The following MACC1 variants were observed in gnomAD, a reference collection of about 807,000 sequenced individuals.
The protein encoded by MACC1 is metastasis-associated in colon cancer protein 1.
In MACC1, 79 loss-of-function variants were observed where a neutral mutation model predicts 70.7. The ratio of observed to expected loss-of-function variants is 1.12; its 90% CI spans 0.93 to 1.35. The LOEUF is 1.35. MACC1 is among the 40% of genes most tolerant of loss of function. The pLI is 0.00. For synonymous variants in MACC1, 361 were observed against 347.2 expected (o/e 1.04, Z -0.44); for missense variants, 1,106 against 978.1 (o/e 1.13, Z -1.74).
chr7:20,137,404 G>A lies in MACC1; in HGVS notation c.*3542C>T, dbSNP rs1288920580. On this transcript the variant is annotated 3_prime_UTR_variant, in exon 7 of 7. Transcript: ENST00000400331. ...CTGTATCCATTTATTAGTATGAACAGTTAATGACACACTATTGAATGCTTC... is the reference window on the plus strand; with the variant it reads ...CTGTATCCATTTATTAGTATGAACAATTAATGACACACTATTGAATGCTTC... 6.6e-6 allele frequency: 1 copy of A among 152,200 alleles called. No homozygotes were observed. The highest frequency in any genetic ancestry group is 2.4e-5 in the African/African-American group (1 of 41,444). The allele number at this position is 152,200 out of a possible 1,614,324, so 9.4% of individuals were successfully genotyped here. A position where few individuals can be genotyped will look rare whatever the true frequency, so the allele number is the denominator to read the frequency against.
chr7:20,183,439 GCCTTGTGATA>G (rs1443782354), intron 1 of MACC1, among the ~76,000 whole-genome samples: 1 of 152,104 alleles, frequency 6.6e-6, no homozygotes, highest in African/African-American at 2.4e-5. Flanking sequence ...CTTGATTTTG[GCCTTGTGATA>G]CCTTCAGCAG....
chr7:20,194,229 C>G (rs1184395798), intron 1 of MACC1, among the ~76,000 whole-genome samples: 1 of 151,940 alleles, frequency 6.6e-6, no homozygotes, highest in Admixed American at 6.5e-5. Flanking sequence ...TTTTTATATC[C>G]TAATTTTAGA....
chr7:20,169,729 G>A lies in MACC1; in HGVS notation c.-153+985C>T, dbSNP rs116845717. Among the ~76,000 whole-genome samples the A allele has an allele frequency of 7.9e-3, 1,207 of 152,234 alleles. 26 individuals are homozygous for A. The highest frequency in any genetic ancestry group is 0.038 in the East Asian group (199 of 5,188). On this transcript the variant is annotated intron_variant, in intron 2 of 6. Transcript: ENST00000400331. ...TCTAGTATAAACTTGGAAAGATACT[G>A]AACATTTCTGGAACTCTACTTATCA...
At position 20,151,991 on chromosome 7, in the gene MACC1, C is replaced by T. The variant is rs151147071; in HGVS notation, c.2346+2202G>A. 7.8e-3 allele frequency among the ~76,000 whole-genome samples: 1,193 copies of T among 152,270 alleles called. 27 individuals are homozygous for T. Among genetic ancestry groups the T allele is most frequent in the Admixed American group, 0.038 (578 of 15,292 alleles). On this transcript the variant is annotated intron_variant, in intron 6 of 6. Transcript: ENST00000400331. ...GTTTAAGCAAGTTACTTATCCTCTC[C>T]ATATCTTAGATATTAGTGTCTGCCC...
intron 1 of MACC1, among the ~76,000 whole-genome samples, chr7:20,178,032 T>A (rs1477398359): frequency 6.6e-6 from 1 of 152,156 alleles, no homozygotes; most frequent in Non-Finnish European, 1.5e-5. Flanking sequence ...ATTAGATGAA[T>A]AAAATGTTCA....
intron 1 of MACC1, among the ~76,000 whole-genome samples, chr7:20,204,236 A>G (rs974812702): frequency 1.3e-5 from 2 of 151,484 alleles, no homozygotes; most frequent in Non-Finnish European, 2.9e-5. Context: ...CTCACTGCAA[A>G]CTCCGCCTCC....
chr7:20,201,953 A>T (rs888758979), intron 1 of MACC1, among the ~76,000 whole-genome samples: 2 of 152,132 alleles, frequency 1.3e-5, no homozygotes, highest in East Asian at 3.8e-4. Flanking sequence ...TGTTTTTTCA[A>T]CTGGCCCCTG....
intron 6 of MACC1, among the ~76,000 whole-genome samples, chr7:20,143,089 A>G (rs926200417): frequency 6.6e-6 from 1 of 152,228 alleles, no homozygotes; most frequent in African/African-American, 2.4e-5. Context: ...CTACAGATTC[A>G]AATACTTTTA....
rs1436251567 is a variant in MACC1 at position 20,161,886 on chromosome 7, A to G, written c.-8-16T>C. 2 of 1,480,106 alleles carry G rather than the reference A, an allele frequency of 1.4e-6. No homozygotes were observed. The highest frequency in any genetic ancestry group is 1.7e-5 in the Admixed American group (1 of 59,654). The allele number at this position is 1,480,106 out of a possible 1,614,324, so 91.7% of individuals were successfully genotyped here. On this transcript the variant is annotated splice_polypyrimidine_tract_variant and intron_variant, in intron 3 of 6. Coordinates refer to ENST00000400331, the MANE Select transcript of MACC1 (RefSeq NM_182762.4). ...ATTTTTCCACCTACAAAGTAAATAG[A>G]TAAGTATTTTTTGTAAGCATACATA...
At chr7:20,202,400 G>GT (rs1247002236) in intron 1 of MACC1, among the ~76,000 whole-genome samples, 1 of 152,134 alleles carries the variant, frequency 6.6e-6, no homozygotes, top group Non-Finnish European at 1.5e-5. Context: ...ACGCCTCTTT[G>GT]TATTTGGACG....
intron 1 of MACC1, among the ~76,000 whole-genome samples, chr7:20,208,978 G>T (rs1010450936): frequency 6.6e-6 from 1 of 152,188 alleles, no homozygotes; most frequent in African/African-American, 2.4e-5. Context: ...CCCAAGCCTT[G>T]GTGGCTTACA....
intron 1 of MACC1, among the ~76,000 whole-genome samples, chr7:20,173,001 T>A (rs1782334951): frequency 6.6e-6 from 1 of 152,202 alleles, no homozygotes; most frequent in Admixed American, 6.5e-5. Context: ...GCTTTCTACC[T>A]CCTTATCATT....
chr7:20,176,351 GTTAA>G (rs1782392879), intron 1 of MACC1, among the ~76,000 whole-genome samples: 1 of 152,018 alleles, frequency 6.6e-6, no homozygotes. Flanking sequence ...CTGTAGCAGG[GTTAA>G]TTAATCTGTC....
chr7:20,210,434 C>T (rs147814586), intron 1 of MACC1, among the ~76,000 whole-genome samples: 20 of 152,188 alleles, frequency 1.3e-4, no homozygotes, highest in South Asian at 2.1e-4. Flanking sequence ...TCACTTTCAT[C>T]GCACTATGAC....
rs541659193 is a variant in MACC1 at position 20,209,613 on chromosome 7, C to T, written c.-218+7686G>A. ...TTTACAGACTCATAGGGAGAAGGCACTTGCCTTGTCTTAGATGAGACTCTG... is the reference window on the plus strand; with the variant it reads ...TTTACAGACTCATAGGGAGAAGGCATTTGCCTTGTCTTAGATGAGACTCTG... On this transcript the variant is annotated intron_variant, in intron 1 of 6. Coordinates refer to ENST00000400331, the MANE Select transcript of MACC1 (RefSeq NM_182762.4). Among the ~76,000 whole-genome samples the T allele has an allele frequency of 2.9e-3, 436 of 152,288 alleles. 3 individuals are homozygous for T. The highest frequency in any genetic ancestry group is 9.9e-3 in the African/African-American group (411 of 41,562).
At chr7:20,215,342 G>C (rs899908491) in intron 1 of MACC1, among the ~76,000 whole-genome samples, 2 of 152,120 alleles carry the variant, frequency 1.3e-5, no homozygotes, top group Non-Finnish European at 2.9e-5. Flanking sequence ...ACCCAGCCCA[G>C]GGGGAGTATA....
intron 1 of MACC1, among the ~76,000 whole-genome samples, chr7:20,197,662 A>C (rs1782773610): frequency 6.6e-6 from 1 of 152,220 alleles, no homozygotes; most frequent in Non-Finnish European, 1.5e-5. Flanking sequence ...ACAAAAACTA[A>C]CTAAAATATA....
In MACC1 at chr7:20,142,377, C is replaced by T. The variant is rs192549093; in HGVS notation, c.2347-1219G>A. Among the ~76,000 whole-genome samples the T allele has an allele frequency of 1.6e-3, 238 of 152,212 alleles. 2 individuals carry two copies. The highest frequency in any genetic ancestry group is 5.5e-3 in the African/African-American group (227 of 41,532). Reference sequence around the variant, plus strand: ...GTCCAAACTGGCATTCCTGGGAAGCCATGAACAGCCATTTCCTCATCTCTC... The same window carrying T: ...GTCCAAACTGGCATTCCTGGGAAGCTATGAACAGCCATTTCCTCATCTCTC... On this transcript the variant is annotated intron_variant, in intron 6 of 6. Transcript: ENST00000400331.
chr7:20,188,812 C>G (rs189983344), intron 1 of MACC1, among the ~76,000 whole-genome samples: 103 of 152,298 alleles, frequency 6.8e-4, no homozygotes, highest in African/African-American at 2.4e-3. Flanking sequence ...ATCACTGTCT[C>G]CTCCTTAAAA....
Sources: allele counts gnomAD v4.1 joint callset (sites outside exome capture counted in the v4.1 genomes callset), GRCh38; gene constraint gnomAD v4.1.1; transcripts MANE v1.5; gene names NCBI Gene and HGNC (gene_info 2026-07-23, HGNC 2026-07-21).